PTPRD: variants seen among roughly 807,000 people sequenced by gnomAD.
PTPRD encodes the protein protein tyrosine phosphatase receptor type D.
PTPRD carries 34 observed loss-of-function variants against 214.5 expected under a neutral mutation model. The observed-to-expected ratio is 0.16, with a 90% CI of 0.12 to 0.21. PTPRD has a LOEUF of 0.21. Ranked by LOEUF, PTPRD falls within the 10% of genes least tolerant of loss-of-function variation. The pLI, the probability that PTPRD is intolerant of heterozygous loss-of-function variation, is 1.00. For synonymous variants in PTPRD, 1,128 were observed against 845.7 expected (o/e 1.33, Z -5.79); for missense variants, 2,545 against 2,398.7 (o/e 1.06, Z -1.27).
In PTPRD at chr9:9,172,748, A is replaced by C. The variant is rs570309761; in HGVS notation, c.-143+10556T>G. Among the ~76,000 whole-genome samples, 118 of 152,172 alleles carry C rather than the reference A, an allele frequency of 7.8e-4. 1 individual carries two copies. Among genetic ancestry groups the C allele is most frequent in the African/African-American group, 2.7e-3 (113 of 41,554 alleles). ...TTTGCACATCCAGGTAGCTCTAAGC[A>C]ATGCCTATCTAGAATTTAACCATTT... is the stretch of plus-strand genomic sequence containing the variant. On this transcript the variant is annotated intron_variant, in intron 10 of 45. Transcript: ENST00000381196.
intron 14 of PTPRD, among the ~76,000 whole-genome samples, chr9:8,559,919 G>A (rs1317741565): frequency 6.6e-6 from 1 of 152,304 alleles, no homozygotes; most frequent in East Asian, 1.9e-4. Flanking sequence ...TTGCAGAATA[G>A]TGTTTATTGA....
At chr9:10,239,660 T>C (rs116595758) in intron 3 of PTPRD, among the ~76,000 whole-genome samples, 1,977 of 151,736 alleles carry the variant, frequency 0.013, 54 homozygotes, top group African/African-American at 0.045. Context: ...TGCTGAGAGC[T>C]TAGTGGTGTG....
intron 10 of PTPRD, among the ~76,000 whole-genome samples, chr9:9,072,554 T>C (rs2099745290): frequency 6.6e-6 from 1 of 152,206 alleles, no homozygotes; most frequent in Non-Finnish European, 1.5e-5. Flanking sequence ...TGTCTTTTTA[T>C]ACCCCACTAA....
intron 3 of PTPRD, among the ~76,000 whole-genome samples, chr9:10,127,449 G>C (rs761570157): frequency 1.3e-5 from 2 of 152,090 alleles, no homozygotes; most frequent in African/African-American, 2.4e-5. Context: ...TGATCCTAGA[G>C]AGCAAGACAG....
At chr9:10,363,111 T>A (rs1374399010) in intron 2 of PTPRD, among the ~76,000 whole-genome samples, 1 of 152,198 alleles carries the variant, frequency 6.6e-6, no homozygotes, top group Non-Finnish European at 1.5e-5. Flanking sequence ...CTGTTGCTAA[T>A]CTCTAGATTT....
At chr9:9,997,388 C>T (rs1241396555) in intron 4 of PTPRD, among the ~76,000 whole-genome samples, 2 of 151,158 alleles carry the variant, frequency 1.3e-5, no homozygotes, top group East Asian at 3.9e-4. Context: ...TGGGTTCAAG[C>T]GATTCTCCTG....
At chr9:9,333,918 T>C (rs2043367351) in intron 9 of PTPRD, among the ~76,000 whole-genome samples, 2 of 151,948 alleles carry the variant, frequency 1.3e-5, no homozygotes, top group Admixed American at 1.3e-4. Flanking sequence ...ATTGATGGAA[T>C]AGAATATTTC....
chr9:8,698,583 AAAC>A (rs2097987951), intron 12 of PTPRD, among the ~76,000 whole-genome samples: 1 of 152,196 alleles, frequency 6.6e-6, no homozygotes, highest in East Asian at 1.9e-4. Flanking sequence ...GTTTCCTACA[AAAC>A]AACAAAGGAT....
At chr9:9,131,478 G>C (rs2099842509) in intron 10 of PTPRD, among the ~76,000 whole-genome samples, 1 of 152,060 alleles carries the variant, frequency 6.6e-6, no homozygotes. Context: ...ACAGATTGTA[G>C]CAGTTCGCTA....
At chr9:9,082,258 C>G (rs1381959321) in intron 10 of PTPRD, among the ~76,000 whole-genome samples, 2 of 152,034 alleles carry the variant, frequency 1.3e-5, no homozygotes, top group Non-Finnish European at 2.9e-5. Context: ...GCTTATCCAC[C>G]ACGACCAAGT....
At chr9:8,856,127 C>T (rs2097911402) in intron 11 of PTPRD, among the ~76,000 whole-genome samples, 1 of 152,104 alleles carries the variant, frequency 6.6e-6, no homozygotes, top group South Asian at 2.1e-4. Context: ...TAGCATAAAG[C>T]AGAATATATG....
At chr9:9,022,048 G>A (rs1052470279) in intron 10 of PTPRD, among the ~76,000 whole-genome samples, 14 of 151,618 alleles carry the variant, frequency 9.2e-5, no homozygotes, top group African/African-American at 1.7e-4. Context: ...CTAGATGACC[G>A]GTTCATAGGT....
At chr9:9,816,311 AC>A (rs1487171263) in intron 5 of PTPRD, among the ~76,000 whole-genome samples, 1 of 152,068 alleles carries the variant, frequency 6.6e-6, no homozygotes, top group African/African-American at 2.4e-5. Context: ...TATAATAAAG[AC>A]CTATAATGTA....
chr9:10,446,157 G>A (rs1301501700), intron 2 of PTPRD, among the ~76,000 whole-genome samples: 1 of 151,964 alleles, frequency 6.6e-6, no homozygotes, highest in Non-Finnish European at 1.5e-5. Flanking sequence ...AGAGGAGAAA[G>A]GATTTGATGC....
At chr9:8,714,993 A>T (rs1403838714) in intron 12 of PTPRD, among the ~76,000 whole-genome samples, 1 of 152,014 alleles carries the variant, frequency 6.6e-6, no homozygotes, top group Admixed American at 6.6e-5. Context: ...AAAAGCCTAG[A>T]ATAAAAAGAA....
chr9:9,531,629 C>A (rs2075489316), intron 8 of PTPRD, among the ~76,000 whole-genome samples: 1 of 152,042 alleles, frequency 6.6e-6, no homozygotes, highest in Non-Finnish European at 1.5e-5. Flanking sequence ...GTACTCCTCG[C>A]ACAGATTATG....
intron 9 of PTPRD, among the ~76,000 whole-genome samples, chr9:9,318,987 C>T (rs933784962): frequency 1.3e-5 from 2 of 152,166 alleles, no homozygotes; most frequent in Admixed American, 1.3e-4. Flanking sequence ...ATAGTTTCCT[C>T]TATCATTATA....
chr9:9,957,958 AG>A (rs1298184589), intron 4 of PTPRD, among the ~76,000 whole-genome samples: 1 of 152,142 alleles, frequency 6.6e-6, no homozygotes, highest in Non-Finnish European at 1.5e-5. Context: ...CAAAAAAGCA[AG>A]GGCAATTCAA....
intron 3 of PTPRD, among the ~76,000 whole-genome samples, chr9:10,109,308 T>G (rs1042068562): frequency 3.3e-5 from 5 of 152,142 alleles, no homozygotes; most frequent in Non-Finnish European, 5.9e-5. Context: ...GATGTTACAG[T>G]CAGTAAAGAA....
Sources: gnomAD v4.1 joint callset for allele counts (sites outside exome capture counted in the v4.1 genomes callset) on GRCh38, gnomAD v4.1.1 for gene constraint, MANE v1.5 for transcripts, NCBI Gene and HGNC (gene_info 2026-07-23, HGNC 2026-07-21) for gene names.